The following MCC variants were observed in gnomAD, a reference collection of about 807,000 sequenced individuals.
MCC encodes the protein MCC regulator of Wnt signaling pathway, also known as colorectal mutant cancer protein.
In MCC, 90 loss-of-function variants were observed where a neutral mutation model predicts 116.2. The ratio of observed to expected loss-of-function variants is 0.77; its 90% CI spans 0.65 to 0.92. The LOEUF is 0.92. Ranked by LOEUF, MCC falls within the 40% of genes least tolerant of loss-of-function variation. MCC has a pLI of 0.00. For synonymous variants in MCC, 578 were observed against 510.5 expected (o/e 1.13, Z -1.78); for missense variants, 1,516 against 1,312.2 (o/e 1.16, Z -2.40).
intron 14 of MCC, among the ~76,000 whole-genome samples, chr5:113,057,499 T>C (rs1230220794): frequency 1.5e-4 from 1 of 6,754 alleles, no homozygotes; most frequent in Non-Finnish European, 3.9e-4. Flanking sequence ...CAAGCTGTAT[T>C]TTAAAAATGA....
intron 3 of MCC, among the ~76,000 whole-genome samples, chr5:113,238,753 C>T (rs561236051): frequency 3.9e-5 from 6 of 152,222 alleles, no homozygotes; most frequent in Middle Eastern, 3.4e-3. Context: ...TGGTTTGCCT[C>T]GACTATCAAG....
At chr5:113,276,239 G>T (rs1435511224) in intron 3 of MCC, among the ~76,000 whole-genome samples, 1 of 152,186 alleles carries the variant, frequency 6.6e-6, no homozygotes, top group Non-Finnish European at 1.5e-5. Flanking sequence ...TCTTAAATAA[G>T]CAACAGGCTG....
intron 1 of MCC, among the ~76,000 whole-genome samples, chr5:113,469,758 ATCTG>A (rs1329026718): frequency 2.0e-5 from 3 of 152,114 alleles, no homozygotes; most frequent in African/African-American, 7.2e-5. Flanking sequence ...TGTCTCGTTG[ATCTG>A]TCTAATGTTG....
intron 1 of MCC, among the ~76,000 whole-genome samples, chr5:113,452,535 C>A (rs2150420842): frequency 6.6e-6 from 1 of 152,214 alleles, no homozygotes. Context: ...GGAAGCAGGC[C>A]CTTACCAGAG....
chr5:113,142,896 G>C (rs1159987523), intron 5 of MCC, among the ~76,000 whole-genome samples: 1 of 152,130 alleles, frequency 6.6e-6, no homozygotes, highest in Admixed American at 6.5e-5. Flanking sequence ...TAGAACTCAT[G>C]ACTAAAGCAT....
chr5:113,209,430 C>T (rs1035502162), intron 3 of MCC, among the ~76,000 whole-genome samples: 4 of 152,178 alleles, frequency 2.6e-5, no homozygotes, highest in African/African-American at 9.7e-5. Context: ...CACTGGGTTC[C>T]TCCAAACCCA....
chr5:113,447,782 C>T (rs936395111), intron 1 of MCC, among the ~76,000 whole-genome samples: 1 of 152,002 alleles, frequency 6.6e-6, no homozygotes, highest in African/African-American at 2.4e-5. Context: ...TTAGACTGTT[C>T]AACATATGGG....
chr5:113,268,631 T>C (rs533371964), intron 3 of MCC, among the ~76,000 whole-genome samples: 1 of 152,308 alleles, frequency 6.6e-6, no homozygotes, highest in Admixed American at 6.5e-5. Flanking sequence ...AAAGCGTCTC[T>C]CAATTTAGTG....
intron 1 of MCC, among the ~76,000 whole-genome samples, chr5:113,456,250 C>T (rs1771543540): frequency 6.6e-6 from 1 of 152,028 alleles, no homozygotes; most frequent in Non-Finnish European, 1.5e-5. Flanking sequence ...TAGGTGGGAC[C>T]CAGGAGATCA....
intron 5 of MCC, among the ~76,000 whole-genome samples, chr5:113,132,194 A>G (rs889984631): frequency 1.4e-4 from 21 of 151,618 alleles, no homozygotes; most frequent in African/African-American, 5.1e-4. Flanking sequence ...AATTTTAAAC[A>G]TTATTCCTAA....
Position 113,027,276 on chromosome 5 carries a change from G to A in MCC, c.*26C>T, listed in dbSNP as rs1331684168. Reference sequence around the variant, plus strand: ...GCCTGCTGCAGTTTACTTCCCATGGGCAGAACTCCGGTGCGTGAGTGCTGA... The same window carrying A: ...GCCTGCTGCAGTTTACTTCCCATGGACAGAACTCCGGTGCGTGAGTGCTGA... On this transcript the variant is annotated 3_prime_UTR_variant, in exon 19 of 19. Coordinates refer to ENST00000408903, the MANE Select transcript of MCC (RefSeq NM_001085377.2). The A allele has an allele frequency of 1.2e-6, 2 of 1,610,878 alleles. No homozygotes were observed. The highest frequency in any genetic ancestry group is 1.7e-5 in the Admixed American group (1 of 59,848).
chr5:113,364,091 C>T (rs1259349348), intron 2 of MCC, among the ~76,000 whole-genome samples: 2 of 151,786 alleles, frequency 1.3e-5, no homozygotes, highest in Admixed American at 6.6e-5. Flanking sequence ...ATTAGCTGGG[C>T]ATGGTGGTGG....
chr5:113,032,873 C>T (rs565812282), intron 17 of MCC, among the ~76,000 whole-genome samples: 5 of 152,324 alleles, frequency 3.3e-5, no homozygotes, highest in South Asian at 2.1e-4. Context: ...CTCTCACCAG[C>T]GCCACAACAG....
At chr5:113,108,137 G>C (rs1368584118) in intron 6 of MCC, among the ~76,000 whole-genome samples, 1 of 151,872 alleles carries the variant, frequency 6.6e-6, no homozygotes, top group African/African-American at 2.4e-5. Context: ...CTGAGATCAG[G>C]AGTTCAAGAC....
chr5:113,245,228 G>C (rs1331563874), intron 3 of MCC, among the ~76,000 whole-genome samples: 2 of 149,406 alleles, frequency 1.3e-5, no homozygotes, highest in Non-Finnish European at 3.0e-5. Flanking sequence ...GGAGGCAGAA[G>C]TTGCAGTAAG....
intron 9 of MCC, 77 bp from the exon 10 acceptor site, chr5:113,084,267 G>A: frequency 1.8e-6 from 2 of 1,132,412 alleles, no homozygotes; most frequent in South Asian, 1.3e-5. Flanking sequence ...CGCTTATACA[G>A]GGCTACTTTT....
intron 14 of MCC, among the ~76,000 whole-genome samples, chr5:113,059,263 C>G (rs1044416981): frequency 6.6e-6 from 1 of 152,220 alleles, no homozygotes; most frequent in African/African-American, 2.4e-5. Context: ...ACAGCCCCTC[C>G]GGCTTCCCTT....
intron 1 of MCC, among the ~76,000 whole-genome samples, chr5:113,479,823 C>G (rs970518730): frequency 6.6e-6 from 1 of 152,054 alleles, no homozygotes; most frequent in Non-Finnish European, 1.5e-5. Flanking sequence ...AGCTTTGAGG[C>G]TTTCAGTGCT....
chr5:113,465,671 A>T (rs1771882653), intron 1 of MCC, among the ~76,000 whole-genome samples: 1 of 152,206 alleles, frequency 6.6e-6, no homozygotes, highest in Non-Finnish European at 1.5e-5. Flanking sequence ...TCAAAAGAAA[A>T]ATACAAATTC....
Sources: gnomAD v4.1 joint callset for allele counts (sites outside exome capture counted in the v4.1 genomes callset) on GRCh38, gnomAD v4.1.1 for gene constraint, MANE v1.5 for transcripts, NCBI Gene and HGNC (gene_info 2026-07-23, HGNC 2026-07-21) for gene names.